KCNB2: variants seen among roughly 807,000 people sequenced by gnomAD.
KCNB2 encodes delayed rectifier potassium channel protein.
A neutral mutation model predicts 61.5 loss-of-function variants in KCNB2; 15 were observed. The observed-to-expected ratio is 0.24, with a 90% CI of 0.16 to 0.38. KCNB2 has a LOEUF of 0.38. Ranked by LOEUF, KCNB2 falls within the 10% of genes least tolerant of loss-of-function variation. KCNB2 has a pLI of 1.00. For synonymous variants in KCNB2, 457 were observed against 446.0 expected, an observed-to-expected ratio of 1.02 and a Z score of -0.31; for missense variants, 828 against 1,125.2, an observed-to-expected ratio of 0.74 and a Z score of 3.78.
intron 1 of KCNB2, among the ~76,000 whole-genome samples, chr8:72,549,602 A>G (rs1806314118): frequency 6.6e-6 from 1 of 152,210 alleles, no homozygotes; most frequent in Non-Finnish European, 1.5e-5. Context: ...TATAAGGTGA[A>G]CTATAAATTT....
At chr8:72,571,533 T>C (rs113254750) in intron 2 of KCNB2, among the ~76,000 whole-genome samples, 9 of 152,324 alleles carry the variant, frequency 5.9e-5, no homozygotes, top group African/African-American at 2.2e-4. Context: ...GAAATACTTA[T>C]TTCTTAGTTC....
At chr8:72,566,506 C>G (rs1471481913) in intron 1 of KCNB2, among the ~76,000 whole-genome samples, 1 of 149,930 alleles carries the variant, frequency 6.7e-6, no homozygotes, top group Admixed American at 6.7e-5. Flanking sequence ...TTCAGACCAG[C>G]CTGGGAAATA....
At chr8:72,716,773 C>T (rs1197963140) in intron 2 of KCNB2, among the ~76,000 whole-genome samples, 1 of 152,072 alleles carries the variant, frequency 6.6e-6, no homozygotes, top group Non-Finnish European at 1.5e-5. Context: ...TGCCCTCTCT[C>T]ACCACTCCTA....
At chr8:72,794,183 G>A (rs2128998937) in intron 2 of KCNB2, among the ~76,000 whole-genome samples, 1 of 152,274 alleles carries the variant, frequency 6.6e-6, no homozygotes, top group Non-Finnish European at 1.5e-5. Context: ...AGAGAGAAGT[G>A]GTCAGGTTTG....
At chr8:72,656,084 A>C (rs2128986829) in intron 2 of KCNB2, among the ~76,000 whole-genome samples, 1 of 152,202 alleles carries the variant, frequency 6.6e-6, no homozygotes, top group South Asian at 2.1e-4. Flanking sequence ...GAGGCAAAAG[A>C]ATCCTACTTT....
chr8:72,808,530 A>G (rs1463059953), intron 2 of KCNB2, among the ~76,000 whole-genome samples: 1 of 152,186 alleles, frequency 6.6e-6, no homozygotes. Context: ...TCTAGCCCCC[A>G]TACAAACCTT....
At chr8:72,835,202 G>A (rs1237704661) in intron 2 of KCNB2, among the ~76,000 whole-genome samples, 2 of 152,168 alleles carry the variant, frequency 1.3e-5, no homozygotes, top group Non-Finnish European at 2.9e-5. Flanking sequence ...TCACATTAAT[G>A]CAGAATGTAG....
intron 2 of KCNB2, among the ~76,000 whole-genome samples, chr8:72,742,007 A>G (rs1425728106): frequency 6.6e-6 from 1 of 152,218 alleles, no homozygotes; most frequent in Non-Finnish European, 1.5e-5. Context: ...CCCAGAGGAA[A>G]ATAAGTCACT....
chr8:72,622,635 A>G (rs1805730830), intron 2 of KCNB2, among the ~76,000 whole-genome samples: 2 of 152,102 alleles, frequency 1.3e-5, no homozygotes, highest in African/African-American at 4.8e-5. Flanking sequence ...AGATAATTAA[A>G]CTCTACTGTG....
intron 2 of KCNB2, among the ~76,000 whole-genome samples, chr8:72,925,392 C>T (rs1469589907): frequency 6.6e-6 from 1 of 152,168 alleles, no homozygotes; most frequent in Admixed American, 6.5e-5. Flanking sequence ...TTAAACTGGT[C>T]TTCTCCCTTT....
At chr8:72,827,763 G>A (rs1809619236) in intron 2 of KCNB2, among the ~76,000 whole-genome samples, 1 of 151,400 alleles carries the variant, frequency 6.6e-6, no homozygotes, top group African/African-American at 2.4e-5. Context: ...TGATGTAAGG[G>A]ATAATATGAA....
At chr8:72,729,054 G>T (rs1456930850) in intron 2 of KCNB2, among the ~76,000 whole-genome samples, 2 of 152,166 alleles carry the variant, frequency 1.3e-5, no homozygotes, top group African/African-American at 4.8e-5. Flanking sequence ...CAATTAAAGT[G>T]ATCAAAGAAA....
Position 72,649,969 on chromosome 8 carries a change from A to G in KCNB2, c.579+81656A>G, listed in dbSNP as rs115676142. On this transcript the variant is annotated intron_variant, in intron 2 of 2. Coordinates refer to ENST00000523207, the MANE Select transcript of KCNB2 (RefSeq NM_004770.3). ...TAATTAGCTGGTAATAATGCAGTGA[A>G]CTTGGAAGACCTACTAAAGGGAGCA... 6.0e-3 allele frequency among the ~76,000 whole-genome samples: 921 copies of G among 152,282 alleles called. 10 individuals are homozygous for G. The highest frequency in any genetic ancestry group is 0.021 in the African/African-American group (888 of 41,574).
intron 2 of KCNB2, among the ~76,000 whole-genome samples, chr8:72,573,609 T>A (rs1806748335): frequency 6.6e-6 from 1 of 151,824 alleles, no homozygotes. Context: ...TTGAGGCCCC[T>A]CTGTGTACCA....
intron 2 of KCNB2, among the ~76,000 whole-genome samples, chr8:72,713,994 C>T (rs1478595569): frequency 2.6e-5 from 4 of 152,152 alleles, no homozygotes; most frequent in Non-Finnish European, 4.4e-5. Flanking sequence ...AACCACAGCA[C>T]AAGAACTACA....
intron 2 of KCNB2, among the ~76,000 whole-genome samples, chr8:72,896,843 C>A (rs1290603646): frequency 6.6e-6 from 1 of 152,058 alleles, no homozygotes; most frequent in East Asian, 1.9e-4. Context: ...TATCTTCAAG[C>A]CTAACAAAGA....
intron 2 of KCNB2, among the ~76,000 whole-genome samples, chr8:72,722,157 T>G (rs1239292796): frequency 6.6e-6 from 1 of 152,134 alleles, no homozygotes; most frequent in Non-Finnish European, 1.5e-5. Context: ...TCTACCACCA[T>G]CATCTGTGCA....
intron 2 of KCNB2, among the ~76,000 whole-genome samples, chr8:72,609,889 T>A (rs1219115850): frequency 6.6e-6 from 1 of 152,186 alleles, no homozygotes; most frequent in Non-Finnish European, 1.5e-5. Context: ...GTCGTTACGT[T>A]GAAGTCCAGC....
At chr8:72,771,213 A>T (rs905792550) in intron 2 of KCNB2, among the ~76,000 whole-genome samples, 1 of 152,226 alleles carries the variant, frequency 6.6e-6, no homozygotes, top group Admixed American at 6.5e-5. Flanking sequence ...GGAAGATGAT[A>T]TGTAATTAAC....
Sources: allele counts gnomAD v4.1 joint callset (sites outside exome capture counted in the v4.1 genomes callset), GRCh38; gene constraint gnomAD v4.1.1; transcripts MANE v1.5; gene names NCBI Gene and HGNC (gene_info 2026-07-23, HGNC 2026-07-21).